SLC17A6: variants seen among roughly 807,000 people sequenced by gnomAD.
SLC17A6 encodes solute carrier family 17 member 6.
SLC17A6 carries 35 observed loss-of-function variants against 67.1 expected under a neutral mutation model. That is an observed-to-expected ratio of 0.52 (90% CI 0.40 to 0.69). The LOEUF is 0.69. Among genes scored for constraint, SLC17A6 ranks in the 30% least tolerant of loss-of-function variants. The pLI is 0.00. For synonymous variants in SLC17A6, 285 were observed against 252.3 expected (o/e 1.13, Z -1.23); for missense variants, 588 against 723.9 (o/e 0.81, Z 2.15).
intron 8 of SLC17A6, among the ~76,000 whole-genome samples, chr11:22,370,461 C>T (rs575507355): frequency 1.3e-5 from 2 of 152,012 alleles, no homozygotes; most frequent in South Asian, 2.1e-4. Flanking sequence ...GAGCGAGCAG[C>T]GGTGTAATCT....
chr11:22,358,429 G>A (rs1233513899), intron 3 of SLC17A6, among the ~76,000 whole-genome samples: 2 of 152,128 alleles, frequency 1.3e-5, no homozygotes, highest in African/African-American at 4.8e-5. Flanking sequence ...CTGGGTTCAC[G>A]CAATTCTCCT....
intron 3 of SLC17A6, among the ~76,000 whole-genome samples, chr11:22,353,851 G>A (rs1855969318): frequency 6.6e-6 from 1 of 152,026 alleles, no homozygotes; most frequent in South Asian, 2.1e-4. Context: ...TGCCCCTTTT[G>A]TGATGTCCTG....
At position 22,338,435 on chromosome 11, in the gene SLC17A6, C is replaced by T. The variant is rs1855760502; in HGVS notation, c.-99C>T. The T allele has an allele frequency of 3.6e-6, 3 of 841,256 alleles. No individual in the cohort carries two copies. Among genetic ancestry groups the T allele is most frequent in the East Asian group, 2.5e-5 (1 of 39,942 alleles). The allele number at this position is 841,256 out of a possible 1,614,324, so 52.1% of individuals were successfully genotyped here. On this transcript the variant is annotated 5_prime_UTR_variant, in exon 1 of 12. Transcript: ENST00000263160. Reference sequence around the variant, plus strand: ...ACCATTCTGCTGAGAAGGAAAAGCCCGCAACTACTTTAAGAGATTAAGACA... The same window carrying T: ...ACCATTCTGCTGAGAAGGAAAAGCCTGCAACTACTTTAAGAGATTAAGACA...
At chr11:22,373,612 G>T (rs531068450) in intron 8 of SLC17A6, among the ~76,000 whole-genome samples, 1 of 152,126 alleles carries the variant, frequency 6.6e-6, no homozygotes, top group African/African-American at 2.4e-5. Context: ...GTGGTGCTCA[G>T]CATAAAGGCT....
intron 6 of SLC17A6, 47 bp from the exon 7 acceptor site, chr11:22,365,500 C>G: frequency 1.9e-6 from 3 of 1,599,942 alleles, no homozygotes; most frequent in Non-Finnish European, 2.6e-6. Flanking sequence ...TGCAGCACAT[C>G]ACTGTTAAAT....
At chr11:22,345,415 G>A (rs1855865855) in intron 3 of SLC17A6, among the ~76,000 whole-genome samples, 1 of 151,598 alleles carries the variant, frequency 6.6e-6, no homozygotes, top group South Asian at 2.1e-4. Context: ...GGGTTCAAGT[G>A]ATTCTCCTGC....
rs750941771 is a variant in SLC17A6 at position 22,376,038 on chromosome 11, G to A, written c.1231G>A (p.Val411Ile). The change falls in exon 10 of 12, where the codon GTA becomes ATA. Residue 411 changes from valine to isoleucine, a missense_variant. Val to Ile is a conservative substitution (Grantham distance 29, BLOSUM62 3). Coordinates refer to ENST00000263160, the MANE Select transcript of SLC17A6 (RefSeq NM_020346.3). ...CGTTGGCTATTCTCATACTAGAGGGGTAGCAATCTCATTCTTGGTACTTGC... is the reference window on the plus strand; with the variant it reads ...CGTTGGCTATTCTCATACTAGAGGGATAGCAATCTCATTCTTGGTACTTGC... The part of the protein sequence containing the change: ...LVVGYSHTRG[V>I]AISFLVLAVG... The A allele has an allele frequency of 2.5e-6, 4 of 1,612,280 alleles. No individual in the cohort carries two copies. In the South Asian group the frequency reaches 4.4e-5, roughly 18 times the overall value.
In SLC17A6 at chr11:22,343,099, T is replaced by C. The variant is rs573924868; in HGVS notation, c.340-148T>C. ...TTTTTCGTTGCAAGAGGCAATTTTG[T>C]TAGGAAACGAAAATGAAGCCACTCT... On this transcript the variant is annotated intron_variant, in intron 2 of 11. Coordinates refer to ENST00000263160, the MANE Select transcript of SLC17A6 (RefSeq NM_020346.3). 8.1e-6 allele frequency: 6 copies of C among 737,254 alleles called. No homozygotes were observed. In the African/African-American group the frequency reaches 8.8e-5, roughly 11 times the overall value. 45.7% of individuals were successfully genotyped at this position (737,254 alleles called of 1,614,324 possible).
At chr11:22,371,294 G>A (rs1012335554) in intron 8 of SLC17A6, among the ~76,000 whole-genome samples, 7 of 151,912 alleles carry the variant, frequency 4.6e-5, no homozygotes, top group Admixed American at 1.3e-4. Flanking sequence ...AGCTGGGCTC[G>A]CTATTCATAT....
intron 3 of SLC17A6, among the ~76,000 whole-genome samples, chr11:22,350,963 G>T (rs797011134): frequency 5.3e-5 from 8 of 151,934 alleles, no homozygotes; most frequent in East Asian, 1.9e-4. Context: ...AAAATATACT[G>T]CCTGATATTA....
chr11:22,366,104 C>A (rs947939990), intron 7 of SLC17A6, among the ~76,000 whole-genome samples: 2 of 151,846 alleles, frequency 1.3e-5, no homozygotes, highest in Admixed American at 6.6e-5. Context: ...TATTCCAAGA[C>A]CCCCCGGGTT....
chr11:22,376,686 A>C lies in SLC17A6; in HGVS notation c.1413+14A>C, dbSNP rs199536334. On this transcript the variant is annotated intron_variant, in intron 11 of 11. Transcript: ENST00000263160. ...ACAAAGAATAAGGTAAGATGGTCAA[A>C]ACAGATGTTTAGTCATAGAAGACAG... The C allele has an allele frequency of 9.3e-6, 15 of 1,613,378 alleles. No individual in the cohort carries two copies. The East Asian group carries it at 3.3e-4, about 36-fold the overall frequency.
At chr11:22,376,707 G>C (rs1564988152) in intron 11 of SLC17A6, 35 bp downstream of exon 11, 1 of 1,608,822 alleles carries the variant, frequency 6.2e-7, no homozygotes, top group East Asian at 2.2e-5. Context: ...AGTCATAGAA[G>C]ACAGTTTCTC....
rs1173851758 is a variant in SLC17A6 at position 22,376,692 on chromosome 11, T to C, written c.1413+20T>C. 1 of 1,612,628 alleles carries C rather than the reference T, an allele frequency of 6.2e-7. No individual in the cohort carries two copies. The highest frequency in any genetic ancestry group is 8.5e-7 in the Non-Finnish European group (1 of 1,178,844). On this transcript the variant is annotated intron_variant, in intron 11 of 11. Transcript: ENST00000263160. The stretch of plus-strand genomic sequence containing the variant: ...AATAAGGTAAGATGGTCAAAACAGA[T>C]GTTTAGTCATAGAAGACAGTTTCTC...
At chr11:22,369,913 C>T in intron 7 of SLC17A6, 126 bp from the exon 8 acceptor site, 1 of 807,828 alleles carries the variant, frequency 1.2e-6, no homozygotes. Flanking sequence ...TAATGCTTCA[C>T]TACATCTTCC....
chr11:22,369,840 A>G (rs950068455), intron 7 of SLC17A6, among the ~76,000 whole-genome samples, 199 bp from the exon 8 acceptor site: 6 of 151,980 alleles, frequency 3.9e-5, no homozygotes, highest in African/African-American at 1.2e-4. Context: ...AGTGATTGAG[A>G]TCTTATTTTT....
chr11:22,358,579 C>T (rs1856015802), intron 3 of SLC17A6, among the ~76,000 whole-genome samples: 1 of 152,162 alleles, frequency 6.6e-6, no homozygotes, highest in African/African-American at 2.4e-5. Context: ...ATCCGCTCGC[C>T]TCGGCCTCCC....
chr11:22,361,638 A>G (rs1274732540), intron 5 of SLC17A6, among the ~76,000 whole-genome samples: 1 of 152,174 alleles, frequency 6.6e-6, no homozygotes, highest in African/African-American at 2.4e-5. Context: ...ATTTTGGGAA[A>G]TAGAATTAAT....
chr11:22,377,208 T>C (rs560458899), intron 11 of SLC17A6, among the ~76,000 whole-genome samples, 197 bp from the exon 12 acceptor site: 15 of 152,344 alleles, frequency 9.8e-5, no homozygotes, highest in African/African-American at 3.1e-4. Flanking sequence ...TTCTAAACTT[T>C]TAGATTTAAA....
Sources: gnomAD v4.1 joint callset for allele counts (sites outside exome capture counted in the v4.1 genomes callset) on GRCh38, gnomAD v4.1.1 for gene constraint, MANE v1.5 for transcripts, NCBI Gene and HGNC (gene_info 2026-07-23, HGNC 2026-07-21) for gene names.